TTLL5: variants seen among roughly 807,000 people sequenced by gnomAD.
TTLL5 encodes tubulin tyrosine ligase like 5, also known as tubulin polyglutamylase TTLL5.
A neutral mutation model predicts 168.4 loss-of-function variants in TTLL5; 132 were observed. The ratio of observed to expected loss-of-function variants is 0.78; its 90% CI spans 0.68 to 0.91. The LOEUF is 0.91. Among genes scored for constraint, TTLL5 ranks in the 40% least tolerant of loss-of-function variants. TTLL5 has a pLI of 0.00. For synonymous variants in TTLL5, 546 were observed against 558.6 expected, an observed-to-expected ratio of 0.98 and a Z score of 0.32; for missense variants, 1,545 against 1,581.5, an observed-to-expected ratio of 0.98 and a Z score of 0.39.
At position 75,919,611 on chromosome 14, in the gene TTLL5, T is replaced by C. The variant is rs7359021; in HGVS notation, c.3823+17387T>C. 5.3e-3 allele frequency among the ~76,000 whole-genome samples: 812 copies of C among 152,278 alleles called. 4 individuals are homozygous for C. Among genetic ancestry groups the C allele is most frequent in the African/African-American group, 0.019 (789 of 41,562 alleles). On this transcript the variant is annotated intron_variant, in intron 31 of 31. Coordinates refer to ENST00000298832, the MANE Select transcript of TTLL5 (RefSeq NM_015072.5). ...TGAAGTTGGACCCCTGTTTCACATC[T>C]ACACAAATATTAACCAAAAATTGAT... is the stretch of plus-strand genomic sequence containing the variant.
At chr14:75,874,920 A>G (rs79118537) in intron 29 of TTLL5, among the ~76,000 whole-genome samples, 1 of 124,424 alleles carries the variant, frequency 8.0e-6, no homozygotes, top group Non-Finnish European at 1.6e-5. Context: ...AGAAAAAAAA[A>G]GACACTGGGG....
intron 27 of TTLL5, among the ~76,000 whole-genome samples, chr14:75,806,916 G>T (rs1893691436): frequency 6.6e-6 from 1 of 152,064 alleles, no homozygotes; most frequent in East Asian, 1.9e-4. Context: ...ACCCTCTGCT[G>T]CCTTAGCCAG....
chr14:75,703,433 G>A (rs374569634), intron 7 of TTLL5, among the ~76,000 whole-genome samples: 2 of 152,156 alleles, frequency 1.3e-5, no homozygotes, highest in Non-Finnish European at 2.9e-5. Context: ...GAAACATCTC[G>A]GTTGGCTAAC....
chr14:75,904,195 ACTC>A, intron 31 of TTLL5: 7 of 1,163,008 alleles, frequency 6.0e-6, no homozygotes, highest in Non-Finnish European at 7.5e-6. Flanking sequence ...TATTCACCTC[ACTC>A]CTCCAAAAAA....
chr14:75,771,549 T>C (rs1195585072), intron 20 of TTLL5, among the ~76,000 whole-genome samples, 185 bp from the exon 21 acceptor site: 1 of 152,202 alleles, frequency 6.6e-6, no homozygotes, highest in Non-Finnish European at 1.5e-5. Context: ...AATAGGAAAT[T>C]TAAAAAGAAA....
chr14:75,680,334 G>A (rs1884502543), intron 3 of TTLL5, among the ~76,000 whole-genome samples: 1 of 152,144 alleles, frequency 6.6e-6, no homozygotes, highest in Admixed American at 6.5e-5. Context: ...TGTCCTGAAT[G>A]GGGCAGGTGC....
rs749981265 is a variant in TTLL5 at position 75,786,452 on chromosome 14, A to G, written c.2986+2922A>G. ...GGATTATTTATAAATATATTGTTTA[A>G]TTTTCAGGTAGTTGGGATTCTTTAT... is the stretch of plus-strand genomic sequence containing the variant. On this transcript the variant is annotated intron_variant, in intron 26 of 31. Transcript: ENST00000298832. Among the ~76,000 whole-genome samples the G allele has an allele frequency of 7.9e-5, 12 of 152,044 alleles. 1 individual carries two copies. Among genetic ancestry groups the G allele is most frequent in the Non-Finnish European group, 1.5e-4 (10 of 67,982 alleles).
rs932583127 is a variant in TTLL5 at position 75,826,147 on chromosome 14, T to C, written c.3326+5986T>C. ...GTCAGGAGTGAAAAACGTGGATCTT[T>C]CTTATCCACAAGTCAGAATAAAGCA... On this transcript the variant is annotated intron_variant, in intron 28 of 31. Transcript: ENST00000298832. Among the ~76,000 whole-genome samples, 14 of 152,108 alleles carry C rather than the reference T, an allele frequency of 9.2e-5. 1 individual carries two copies. The highest frequency in any genetic ancestry group is 8.5e-4 in the Admixed American group (13 of 15,262).
chr14:75,832,212 A>G (rs141609591), intron 28 of TTLL5, among the ~76,000 whole-genome samples: 1 of 152,336 alleles, frequency 6.6e-6, no homozygotes, highest in East Asian at 1.9e-4. Context: ...TATTTGTTAA[A>G]TGATTGCACT....
intron 29 of TTLL5, among the ~76,000 whole-genome samples, chr14:75,872,912 CAAA>C (rs71119400): frequency 3.8e-5 from 5 of 131,238 alleles, no homozygotes; most frequent in Non-Finnish European, 4.8e-5. Flanking sequence ...AACTCCATCT[CAAA>C]AAAAAAAAAA....
At chr14:75,826,372 C>T (rs1290681694) in intron 28 of TTLL5, among the ~76,000 whole-genome samples, 2 of 150,986 alleles carry the variant, frequency 1.3e-5, no homozygotes, top group African/African-American at 4.9e-5. Context: ...AATATACTTA[C>T]ACTCCTGAAC....
At chr14:75,946,991 G>A (rs1246413741) in intron 31 of TTLL5, among the ~76,000 whole-genome samples, 2 of 152,314 alleles carry the variant, frequency 1.3e-5, no homozygotes, top group African/African-American at 4.8e-5. Context: ...GCAGAGGAGA[G>A]TGAGAACAGA....
At chr14:75,665,830 AG>A (rs1157306590) in intron 2 of TTLL5, among the ~76,000 whole-genome samples, 1 of 152,198 alleles carries the variant, frequency 6.6e-6, no homozygotes, top group Non-Finnish European at 1.5e-5. Context: ...CCAGCCTGGG[AG>A]ACAGAGTGAG....
At chr14:75,885,018 A>C (rs897120776) in intron 30 of TTLL5, among the ~76,000 whole-genome samples, 10 of 150,406 alleles carry the variant, frequency 6.6e-5, no homozygotes, top group Non-Finnish European at 1.2e-4. Flanking sequence ...AAAATACAAA[A>C]AAAAATTAGC....
intron 31 of TTLL5, among the ~76,000 whole-genome samples, chr14:75,939,682 C>A (rs2034539371): frequency 6.6e-6 from 1 of 152,346 alleles, no homozygotes; most frequent in South Asian, 2.1e-4. Flanking sequence ...AGCCACCATG[C>A]CCAGCTGGAC....
At chr14:75,731,703 C>A (rs952154026) in intron 12 of TTLL5, among the ~76,000 whole-genome samples, 5 of 152,170 alleles carry the variant, frequency 3.3e-5, no homozygotes, top group Admixed American at 2.6e-4. Flanking sequence ...ACTGATTTCT[C>A]TTTCCTTGTC....
At chr14:75,701,375 A>G (rs1886261067) in intron 7 of TTLL5, among the ~76,000 whole-genome samples, 1 of 152,194 alleles carries the variant, frequency 6.6e-6, no homozygotes, top group Non-Finnish European at 1.5e-5. Flanking sequence ...ACAAAAGACT[A>G]GACTGAATGA....
chr14:75,911,394 A>T, intron 31 of TTLL5, among the ~76,000 whole-genome samples: 1 of 152,182 alleles, frequency 6.6e-6, no homozygotes, highest in Non-Finnish European at 1.5e-5. Flanking sequence ...TGCCTTCGCT[A>T]TAATAAAACA....
intron 17 of TTLL5, among the ~76,000 whole-genome samples, chr14:75,746,557 C>CTTTT (rs71119389): frequency 3.5e-5 from 4 of 114,720 alleles, no homozygotes; most frequent in Non-Finnish European, 3.7e-5. Flanking sequence ...CTTTTCTTTT[C>CTTTT]TTTTTTTTTT....
Sources: gnomAD v4.1 joint callset for allele counts (sites outside exome capture counted in the v4.1 genomes callset) on GRCh38, gnomAD v4.1.1 for gene constraint, MANE v1.5 for transcripts, NCBI Gene and HGNC (gene_info 2026-07-23, HGNC 2026-07-21) for gene names.